Variants in RBFOX1 observed in about 807,000 individuals in gnomAD.
RBFOX1 encodes the protein RNA binding fox-1 homolog 1, also known as RNA binding protein fox-1 homolog 1.
RBFOX1 carries 8 observed loss-of-function variants against 57.7 expected under a neutral mutation model. The observed-to-expected ratio is 0.14, with a 90% CI of 0.08 to 0.25. The LOEUF (loss-of-function observed/expected upper bound fraction) is 0.25. RBFOX1 is among the 10% of genes least tolerant of loss of function. The pLI, the probability that RBFOX1 is intolerant of heterozygous loss-of-function variation, is 1.00. For synonymous variants in RBFOX1, 326 were observed against 222.4 expected, an observed-to-expected ratio of 1.47 and a Z score of -4.15; for missense variants, 611 against 548.5, an observed-to-expected ratio of 1.11 and a Z score of -1.14.
At chr16:6,699,593 C>A (rs1392050851) in intron 3 of RBFOX1, among the ~76,000 whole-genome samples, 3 of 152,144 alleles carry the variant, frequency 2.0e-5, no homozygotes, top group Non-Finnish European at 4.4e-5. Flanking sequence ...GACAAATGGG[C>A]TCTTTAAACT....
chr16:5,475,283 T>C (rs2069281424), intron 2 of RBFOX1, among the ~76,000 whole-genome samples: 2 of 152,252 alleles, frequency 1.3e-5, no homozygotes, highest in South Asian at 4.1e-4. Flanking sequence ...TGCTTTTATC[T>C]TACCTGCTGA....
intron 9 of RBFOX1, among the ~76,000 whole-genome samples, chr16:7,605,749 A>G (rs1189486263): frequency 6.6e-6 from 1 of 152,160 alleles, no homozygotes; most frequent in African/African-American, 2.4e-5. Flanking sequence ...CCTTCTCTCA[A>G]AAACATTTAT....
chr16:7,223,265 A>T (rs187463205), intron 4 of RBFOX1, among the ~76,000 whole-genome samples: 1 of 152,344 alleles, frequency 6.6e-6, no homozygotes, highest in East Asian at 1.9e-4. Flanking sequence ...GGGAGTCTGC[A>T]TAGGTCCAGG....
chr16:6,993,808 A>G (rs1596362261), intron 3 of RBFOX1, among the ~76,000 whole-genome samples: 1 of 152,176 alleles, frequency 6.6e-6, no homozygotes, highest in Non-Finnish European at 1.5e-5. Flanking sequence ...GTATTGCTGC[A>G]TTTGATAGTA....
intron 2 of RBFOX1, among the ~76,000 whole-genome samples, chr16:6,468,410 A>G (rs150574884): frequency 8.7e-4 from 133 of 152,322 alleles, no homozygotes; most frequent in Middle Eastern, 3.4e-3. Flanking sequence ...AAGCCCCGCA[A>G]CGATGTTGTA....
intron 3 of RBFOX1, among the ~76,000 whole-genome samples, chr16:5,707,618 G>A (rs574961384): frequency 5.4e-4 from 83 of 152,304 alleles, no homozygotes; most frequent in African/African-American, 2.0e-3. Flanking sequence ...AGTTTCCAGG[G>A]AAGATACAGC....
intron 4 of RBFOX1, among the ~76,000 whole-genome samples, chr16:7,457,174 A>C (rs1038343415): frequency 6.6e-6 from 1 of 152,098 alleles, no homozygotes; most frequent in African/African-American, 2.4e-5. Flanking sequence ...GGTGTGAGCC[A>C]CCGCGCCTGG....
chr16:6,468,795 T>G (rs2153076816), intron 2 of RBFOX1, among the ~76,000 whole-genome samples: 1 of 152,236 alleles, frequency 6.6e-6, no homozygotes, highest in Non-Finnish European at 1.5e-5. Context: ...TTTTTTAGTC[T>G]TTTATTTTAA....
chr16:7,447,994 T>G (rs1358511514), intron 4 of RBFOX1, among the ~76,000 whole-genome samples: 1 of 152,156 alleles, frequency 6.6e-6, no homozygotes, highest in Non-Finnish European at 1.5e-5. Flanking sequence ...ATGTAGGGAT[T>G]TCCACTCTTT....
At chr16:5,412,799 A>T (rs536930544) in intron 1 of RBFOX1, among the ~76,000 whole-genome samples, 402 of 152,362 alleles carry the variant, frequency 2.6e-3, no homozygotes, top group Middle Eastern at 3.4e-3. Flanking sequence ...ACCTACACAC[A>T]TATCCACCAA....
At chr16:7,584,916 G>T (rs1336071156) in intron 6 of RBFOX1, among the ~76,000 whole-genome samples, 1 of 152,122 alleles carries the variant, frequency 6.6e-6, no homozygotes, top group African/African-American at 2.4e-5. Context: ...CCACTTCAGG[G>T]CAGCTGATGT....
intron 2 of RBFOX1, among the ~76,000 whole-genome samples, chr16:5,484,712 A>C (rs957524031): frequency 2.6e-5 from 4 of 151,852 alleles, no homozygotes; most frequent in Non-Finnish European, 5.9e-5. Flanking sequence ...GGAGATCGAA[A>C]CCATCCTGGC....
chr16:6,428,441 G>C (rs1567249324), intron 2 of RBFOX1, among the ~76,000 whole-genome samples: 1 of 152,064 alleles, frequency 6.6e-6, no homozygotes, highest in Non-Finnish European at 1.5e-5. Flanking sequence ...TGTGTATGTA[G>C]TTTATTTATA....
At chr16:6,396,609 T>A (rs1195584774) in intron 2 of RBFOX1, among the ~76,000 whole-genome samples, 1 of 152,170 alleles carries the variant, frequency 6.6e-6, no homozygotes, top group Non-Finnish European at 1.5e-5. Flanking sequence ...GGATGCAGAA[T>A]GGGAGTGTGA....
At chr16:5,292,466 C>T (rs1379055251) in intron 1 of RBFOX1, among the ~76,000 whole-genome samples, 2 of 152,148 alleles carry the variant, frequency 1.3e-5, no homozygotes, top group Non-Finnish European at 2.9e-5. Flanking sequence ...TGTTAATCCA[C>T]AGCTCCAGTC....
chr16:6,643,661 G>A lies in RBFOX1; in HGVS notation c.-63-10942G>A, dbSNP rs568761426. On this transcript the variant is annotated intron_variant, in intron 2 of 15. Coordinates refer to ENST00000550418, the MANE Select transcript of RBFOX1 (RefSeq NM_018723.4). ...AGGGAGAGTATAAAATACATAGCTC[G>A]TAGACCAGATGGATTTCAATCTCCC... Among the ~76,000 whole-genome samples the A allele has an allele frequency of 2.6e-5, 4 of 152,238 alleles. 1 individual carries two copies. Among genetic ancestry groups the A allele is most frequent in the Admixed American group, 6.5e-5 (1 of 15,286 alleles).
intron 2 of RBFOX1, among the ~76,000 whole-genome samples, chr16:6,341,932 C>G (rs1033354967): frequency 9.2e-5 from 14 of 152,200 alleles, no homozygotes; most frequent in Non-Finnish European, 1.8e-4. Flanking sequence ...AGAATAATTT[C>G]TTGCGTAAGG....
chr16:7,235,012 A>AT, intron 4 of RBFOX1, among the ~76,000 whole-genome samples: 1 of 152,196 alleles, frequency 6.6e-6, no homozygotes, highest in East Asian at 1.9e-4. Flanking sequence ...ATGTCTAACG[A>AT]TTTTTTGCAA....
intron 11 of RBFOX1, among the ~76,000 whole-genome samples, chr16:7,652,985 C>A (rs556615417): frequency 6.6e-6 from 1 of 152,136 alleles, no homozygotes; most frequent in African/African-American, 2.4e-5. Flanking sequence ...TCATGCAGTT[C>A]GGCCCCAGAG....
Sources: allele counts gnomAD v4.1 joint callset (sites outside exome capture counted in the v4.1 genomes callset), GRCh38; gene constraint gnomAD v4.1.1; transcripts MANE v1.5; gene names NCBI Gene and HGNC (gene_info 2026-07-23, HGNC 2026-07-21).